Variants in NOMO3 observed in about 807,000 individuals in gnomAD.
NOMO3 encodes the protein BOS complex subunit NOMO3.
In NOMO3, 15 loss-of-function variants were observed where a neutral mutation model predicts 69.9. The observed-to-expected ratio is 0.21, with a 90% CI of 0.14 to 0.33. The LOEUF (loss-of-function observed/expected upper bound fraction) is 0.33, where lower values mean the gene tolerates loss of function less well. Among genes scored for constraint, NOMO3 ranks in the 10% least tolerant of loss-of-function variants. The pLI is 1.00. For synonymous variants in NOMO3, 89 were observed against 301.9 expected (o/e 0.29, Z 7.31); for missense variants, 218 against 761.0 (o/e 0.29, Z 8.39).
intron 18 of NOMO3, 120 bp from the exon 19 acceptor site, chr16:16,273,569 G>A: frequency 5.4e-6 from 1 of 183,972 alleles, no homozygotes; most frequent in East Asian, 1.2e-4. Flanking sequence ...CCGCCACTGT[G>A]GTGTCATGAT....
At chr16:16,239,108 C>G (rs2049354489) in intron 2 of NOMO3, among the ~76,000 whole-genome samples, 1 of 142,026 alleles carries the variant, frequency 7.0e-6, no homozygotes, top group Non-Finnish European at 1.5e-5. Context: ...AAAACAGAAA[C>G]CAGGGTTGAT....
rs544551860 is a variant in NOMO3, at chr16:16,235,149, T to C, written c.166-1752T>C. Among the ~76,000 whole-genome samples the C allele has an allele frequency of 5.5e-4, 83 of 151,398 alleles. No individual in the cohort carries two copies. The South Asian group carries it at 0.012, about 21-fold the overall frequency. On this transcript the variant is annotated intron_variant, in intron 1 of 30. Coordinates refer to ENST00000399336, the MANE Select transcript of NOMO3 (RefSeq NM_001004067.4). ...AGTTGTCACTGACCTCAGAGAACTT[T>C]ACATACAGGCTTAACCTTATTTCAC...
chr16:16,238,306 C>G (rs2049346687), intron 2 of NOMO3, among the ~76,000 whole-genome samples: 1 of 136,554 alleles, frequency 7.3e-6, no homozygotes, highest in Non-Finnish European at 1.5e-5. Context: ...GATCTCGGCT[C>G]ACTGCAACCT....
chr16:16,265,295 C>G, intron 15 of NOMO3, 116 bp downstream of exon 15: 1 of 1,574,302 alleles, frequency 6.4e-7, no homozygotes, highest in Non-Finnish European at 8.5e-7. Context: ...CCTTTTCTGC[C>G]TCTGCACTCA....
chr16:16,234,875 A>G (rs1230088038), intron 1 of NOMO3, among the ~76,000 whole-genome samples: 7 of 151,342 alleles, frequency 4.6e-5, no homozygotes, highest in Admixed American at 2.6e-4. Context: ...CAGGTTTCAC[A>G]TTAAAAACTG....
chr16:16,243,147 G>C lies in NOMO3; in HGVS notation c.302-14G>C. On this transcript the variant is annotated splice_polypyrimidine_tract_variant and intron_variant, in intron 3 of 30. Coordinates refer to ENST00000399336, the MANE Select transcript of NOMO3 (RefSeq NM_001004067.4). The stretch of plus-strand genomic sequence containing the variant: ...GTCTTGTGCCCCGGTTTCCTCCCCT[G>C]CTTCGTTCCTCAGAGCCGACGACCG... 1 of 1,072,412 alleles carries C rather than the reference G, an allele frequency of 9.3e-7. No individual in the cohort carries two copies. The highest frequency in any genetic ancestry group is 1.3e-6 in the Non-Finnish European group (1 of 787,996). The allele number at this position is 1,072,412 out of a possible 1,614,324, so 66.4% of individuals were successfully genotyped here.
At chr16:16,260,306 A>C (rs1179980157) in intron 11 of NOMO3, among the ~76,000 whole-genome samples, 2 of 138,580 alleles carry the variant, frequency 1.4e-5, no homozygotes, top group Admixed American at 7.0e-5. Context: ...TAATTTTTAC[A>C]TGTGAAATAT....
intron 4 of NOMO3, among the ~76,000 whole-genome samples, chr16:16,243,941 C>G (rs1277344161): frequency 6.9e-6 from 1 of 144,662 alleles, no homozygotes; most frequent in Non-Finnish European, 1.5e-5. Flanking sequence ...CAGCTTCTCC[C>G]AGAGAGAGCG....
chr16:16,263,149 A>G lies in NOMO3; in HGVS notation c.1471A>G (p.Arg491Gly). 1.3e-6 allele frequency: 2 copies of G among 1,590,750 alleles called. No individual in the cohort carries two copies. Among genetic ancestry groups the G allele is most frequent in the Non-Finnish European group, 1.7e-6 (2 of 1,175,754 alleles). The change falls in exon 13 of 31, where the codon AGG becomes GGG. Residue 491 changes from arginine to glycine, a missense_variant. Transcript: ENST00000399336. ...PQTFPLTVTD[R>G]PVMDVAFVQF... ...GACATTTCCTCTTACTGTGACCGAC[A>G]GGCCTGTGATGGATGTGGCCTTTGT...
intron 1 of NOMO3, among the ~76,000 whole-genome samples, chr16:16,234,276 G>A (rs564185568): frequency 1.0e-3 from 153 of 148,986 alleles, no homozygotes; most frequent in Non-Finnish European, 1.9e-3. Context: ...GGCCGCTAAG[G>A]CCTCTTGCAA....
At chr16:16,249,200 A>T (rs1238782992) in intron 6 of NOMO3, among the ~76,000 whole-genome samples, 1 of 145,360 alleles carries the variant, frequency 6.9e-6, no homozygotes, top group Admixed American at 6.7e-5. Context: ...CTTATAATTG[A>T]TGATAGTTTC....
rs1223442566 is a variant in NOMO3 at position 16,243,776 on chromosome 16, C to T, written c.402+515C>T. 2.1e-5 allele frequency among the ~76,000 whole-genome samples: 3 copies of T among 141,588 alleles called. 1 individual carries two copies. The highest frequency in any genetic ancestry group is 4.5e-5 in the Non-Finnish European group (3 of 67,032). 92.9% of individuals were successfully genotyped at this position (141,588 alleles called of 152,430 possible). A position where few individuals can be genotyped will look rare whatever the true frequency, so the allele number is the denominator to read the frequency against. ...CTGACCTCAGGTGATCCGCCTGCCTCCACCTCCCATAGTGCTGGGATTACA... is the reference window on the plus strand; with the variant it reads ...CTGACCTCAGGTGATCCGCCTGCCTTCACCTCCCATAGTGCTGGGATTACA... On this transcript the variant is annotated intron_variant, in intron 4 of 30. Transcript: ENST00000399336.
chr16:16,240,385 TC>T lies in NOMO3; in HGVS notation c.301+494del, dbSNP rs2049365642. 1.4e-5 allele frequency among the ~76,000 whole-genome samples: 2 copies of T among 144,372 alleles called. 1 individual carries two copies. Among genetic ancestry groups the T allele is most frequent in the Admixed American group, 1.4e-4 (2 of 14,728 alleles). 94.7% of individuals were successfully genotyped at this position (144,372 alleles called of 152,430 possible). A position where few individuals can be genotyped will look rare whatever the true frequency, so the allele number is the denominator to read the frequency against. On this transcript the variant is annotated intron_variant, in intron 3 of 30. Transcript: ENST00000399336. ...GTTAAATAACTTTGGGCAAGTTACT[TC>T]CCCCGTGTCAGCCTGGCTCCTCACT...
chr16:16,249,870 G>T (rs943856465), intron 6 of NOMO3, among the ~76,000 whole-genome samples: 1 of 143,696 alleles, frequency 7.0e-6, no homozygotes. Flanking sequence ...TGCGTGCTTA[G>T]AATCTGTACA....
At chr16:16,233,482 C>T (rs2049298630) in intron 1 of NOMO3, among the ~76,000 whole-genome samples, 1 of 110,852 alleles carries the variant, frequency 9.0e-6, no homozygotes, top group Admixed American at 9.1e-5. Flanking sequence ...ATGGAATTAC[C>T]CTAGAGATTT....
chr16:16,252,977 G>A (rs2049477184), intron 9 of NOMO3, among the ~76,000 whole-genome samples: 2 of 134,992 alleles, frequency 1.5e-5, no homozygotes, highest in Admixed American at 1.4e-4. Context: ...GGGACCACAG[G>A]CACGTGCCAC....
chr16:16,255,281 G>A lies in NOMO3; in HGVS notation c.964-439G>A, dbSNP rs1458952346. Among the ~76,000 whole-genome samples the A allele has an allele frequency of 1.4e-5, 2 of 140,568 alleles. 1 individual carries two copies. Among genetic ancestry groups the A allele is most frequent in the Admixed American group, 1.4e-4 (2 of 14,514 alleles). The allele number at this position is 140,568 out of a possible 152,430, so 92.2% of individuals were successfully genotyped here. A position where few individuals can be genotyped will look rare whatever the true frequency, so the allele number is the denominator to read the frequency against. On this transcript the variant is annotated intron_variant, in intron 9 of 30. Coordinates refer to ENST00000399336, the MANE Select transcript of NOMO3 (RefSeq NM_001004067.4). Reference sequence around the variant, plus strand: ...GACAGGAGGGGACACGTGAGACCTTGCAGAGGTGGAATCCACAGGACTGAT... The same window carrying A: ...GACAGGAGGGGACACGTGAGACCTTACAGAGGTGGAATCCACAGGACTGAT...
chr16:16,253,302 A>G (rs1369038170), intron 9 of NOMO3, among the ~76,000 whole-genome samples: 1 of 141,052 alleles, frequency 7.1e-6, no homozygotes, highest in Admixed American at 6.8e-5. Context: ...GTTTTTGGGA[A>G]GTCCTCCCTG....
intron 5 of NOMO3, among the ~76,000 whole-genome samples, chr16:16,245,514 C>T (rs1264793662): frequency 7.0e-6 from 1 of 142,988 alleles, no homozygotes; most frequent in Non-Finnish European, 1.5e-5. Flanking sequence ...CATAGGGAGA[C>T]TCAGTCTCCA....
Sources: gnomAD v4.1 joint callset for allele counts (sites outside exome capture counted in the v4.1 genomes callset) on GRCh38, gnomAD v4.1.1 for gene constraint, MANE v1.5 for transcripts, NCBI Gene and HGNC (gene_info 2026-07-23, HGNC 2026-07-21) for gene names.